Variants in TENM2 observed in about 807,000 individuals in gnomAD.
TENM2 encodes teneurin-2.
A neutral mutation model predicts 245.2 loss-of-function variants in TENM2; 52 were observed. The observed-to-expected ratio is 0.21, with a 90% CI of 0.17 to 0.27. The LOEUF (loss-of-function observed/expected upper bound fraction) is 0.27, where lower values mean the gene tolerates loss of function less well. TENM2 is among the 10% of genes least tolerant of loss of function. TENM2 has a pLI of 1.00. For missense variants in TENM2, 3,046 were observed against 3,666.8 expected (o/e 0.83, Z 4.37); for synonymous variants, 1,363 against 1,438.9 (o/e 0.95, Z 1.19).
chr5:168,229,317 T>A (rs1439517243), intron 25 of TENM2, among the ~76,000 whole-genome samples: 1 of 151,498 alleles, frequency 6.6e-6, no homozygotes. Context: ...CCTTCCTGCT[T>A]ATCCGTGGTC....
At chr5:167,747,204 G>A (rs998092334) in intron 2 of TENM2, among the ~76,000 whole-genome samples, 1 of 152,114 alleles carries the variant, frequency 6.6e-6, no homozygotes, top group South Asian at 2.1e-4. Context: ...AGCCAATGTG[G>A]GGAGGAAGAA....
intron 1 of TENM2, among the ~76,000 whole-genome samples, chr5:167,372,154 A>T (rs1264180282): frequency 2.0e-5 from 3 of 152,168 alleles, no homozygotes; most frequent in African/African-American, 4.8e-5. Flanking sequence ...AAACATACTC[A>T]TTTAGCTTTT....
At chr5:167,172,828 C>T in the TENM2 span, among the ~76,000 whole-genome samples, 1 of 152,000 alleles carries the variant, frequency 6.6e-6, no homozygotes, top group East Asian at 1.9e-4. Flanking sequence ...GTTGCTCATG[C>T]TGGTCTCAAA....
At chr5:167,561,799 AT>A (rs898336442) in intron 2 of TENM2, among the ~76,000 whole-genome samples, 29 of 152,210 alleles carry the variant, frequency 1.9e-4, no homozygotes, top group African/African-American at 3.1e-4. Flanking sequence ...AGCTAAAGGA[AT>A]TTTTTTTAAT....
chr5:167,432,641 G>T (rs1327131927), intron 2 of TENM2, among the ~76,000 whole-genome samples: 2 of 150,144 alleles, frequency 1.3e-5, no homozygotes, highest in Non-Finnish European at 2.9e-5. Context: ...ATACTTCTCT[G>T]CTGGAGTTGA....
At chr5:167,858,751 C>T (rs1194440656) in intron 2 of TENM2, among the ~76,000 whole-genome samples, 5 of 150,854 alleles carry the variant, frequency 3.3e-5, no homozygotes, top group African/African-American at 7.2e-5. Flanking sequence ...GCCCGACCGC[C>T]GGGAGGATGG....
intron 2 of TENM2, among the ~76,000 whole-genome samples, chr5:167,649,166 A>T (rs1262726401): frequency 6.6e-6 from 1 of 152,136 alleles, no homozygotes; most frequent in African/African-American, 2.4e-5. Flanking sequence ...GCTACCATGA[A>T]CTTTTTCTGA....
intron 17 of TENM2, among the ~76,000 whole-genome samples, chr5:168,200,870 A>G (rs892270484): frequency 5.9e-5 from 9 of 152,220 alleles, no homozygotes; most frequent in African/African-American, 1.9e-4. Flanking sequence ...ATTAAAATCC[A>G]GAATCCTGTG....
At position 168,118,275 on chromosome 5, in the gene TENM2, G is replaced by A. The variant is rs1242488641; in HGVS notation, c.1814-17G>A. 5 of 1,525,066 alleles carry A rather than the reference G, an allele frequency of 3.3e-6. No individual in the cohort carries two copies. In the South Asian group the frequency reaches 3.9e-5, roughly 12 times the overall value. The allele number at this position is 1,525,066 out of a possible 1,614,324, so 94.5% of individuals were successfully genotyped here. ...CTGGCCCTTCGTGACCTAGTGCTCT[G>A]TCTTTGGTTTGTGCAGCTGCCTGCC... On this transcript the variant is annotated splice_polypyrimidine_tract_variant and intron_variant, in intron 9 of 28. Coordinates refer to ENST00000518659, the Ensembl canonical transcript of TENM2.
At chr5:167,307,691 A>G (rs764702549) in intron 1 of TENM2, among the ~76,000 whole-genome samples, 2 of 152,214 alleles carry the variant, frequency 1.3e-5, no homozygotes, top group African/African-American at 2.4e-5. Flanking sequence ...GGTGAGGTCC[A>G]TTGTTCCTTC....
At chr5:167,311,300 AAAG>A (rs1197161698) in intron 1 of TENM2, among the ~76,000 whole-genome samples, 1 of 152,254 alleles carries the variant, frequency 6.6e-6, no homozygotes, top group Non-Finnish European at 1.5e-5. Context: ...ATAAGTGTAT[AAAG>A]AAGAAAATTA....
chr5:167,806,795 A>G (rs1056279417), intron 2 of TENM2, among the ~76,000 whole-genome samples: 1 of 152,070 alleles, frequency 6.6e-6, no homozygotes, highest in African/African-American at 2.4e-5. Context: ...AAATGAGTCA[A>G]TAGAAGATAC....
chr5:166,986,914 A>AT, the TENM2 span, among the ~76,000 whole-genome samples: 2 of 151,818 alleles, frequency 1.3e-5, no homozygotes, highest in East Asian at 1.9e-4. Flanking sequence ...AGAGAAGAGC[A>AT]TTTTTTTTTA....
the TENM2 span, among the ~76,000 whole-genome samples, chr5:166,988,958 G>C: frequency 6.6e-6 from 1 of 152,208 alleles, no homozygotes; most frequent in African/African-American, 2.4e-5. Flanking sequence ...AAACTGAAGA[G>C]AGTCTGCCCC....
At chr5:168,198,870 A>G (rs751281581) in exon 16 of TENM2, 2 of 1,613,782 alleles carry the variant, frequency 1.2e-6, no homozygotes, top group African/African-American at 1.3e-5. Flanking sequence ...CTGATCGCAA[A>G]TGGAGGTGCT....
intron 2 of TENM2, among the ~76,000 whole-genome samples, chr5:167,680,645 G>A (rs1275156846): frequency 6.6e-6 from 1 of 152,174 alleles, no homozygotes; most frequent in African/African-American, 2.4e-5. Flanking sequence ...TAAACCAGAT[G>A]AGAGACGACG....
At chr5:167,586,492 T>G (rs1775505092) in intron 2 of TENM2, among the ~76,000 whole-genome samples, 2 of 152,320 alleles carry the variant, frequency 1.3e-5, no homozygotes, top group Middle Eastern at 3.4e-3. Flanking sequence ...CATATCCTCC[T>G]TCCTTTAATC....
chr5:166,979,230 G>GCAGCAGCAGCAT, the TENM2 span, among the ~76,000 whole-genome samples: 2 of 151,594 alleles, frequency 1.3e-5, no homozygotes, highest in Non-Finnish European at 3.0e-5. Context: ...AGCAGCAGCA[G>GCAGCAGCAGCAT]CAGCAGCCGC....
chr5:167,801,108 AAATATATATATATATATATATAT>A (rs1337798888), intron 2 of TENM2, among the ~76,000 whole-genome samples: 5 of 55,858 alleles, frequency 9.0e-5, no homozygotes, highest in African/African-American at 3.4e-4. Flanking sequence ...AAAAAAAAAA[AAATATATATATATATATATATAT>A]ATATATATAT....
Sources: allele counts gnomAD v4.1 joint callset (sites outside exome capture counted in the v4.1 genomes callset), GRCh38; gene constraint gnomAD v4.1.1; transcripts MANE v1.5; gene names NCBI Gene and HGNC (gene_info 2026-07-23, HGNC 2026-07-21).